The following HINT3 variants were observed in gnomAD, a reference collection of about 807,000 sequenced individuals.
HINT3 encodes the protein histidine triad nucleotide binding protein 3, also known as adenosine 5'-monophosphoramidase HINT3.
A neutral mutation model predicts 19.1 loss-of-function variants in HINT3; 16 were observed. The ratio of observed to expected loss-of-function variants is 0.84; its 90% CI spans 0.57 to 1.27. The LOEUF (loss-of-function observed/expected upper bound fraction) is 1.27, where lower values mean the gene tolerates loss of function less well. Among genes scored for constraint, HINT3 ranks in the 50% most tolerant of loss-of-function variants. HINT3 has a pLI of 0.00. For missense variants in HINT3, 197 were observed against 225.8 expected, an observed-to-expected ratio of 0.87 and a Z score of 0.82; for synonymous variants, 75 against 84.8, an observed-to-expected ratio of 0.88 and a Z score of 0.63.
chr6:125,976,567 T>A (rs7755742), intron 4 of HINT3, among the ~76,000 whole-genome samples: 2,347 of 151,110 alleles, frequency 0.016, 49 homozygotes, highest in African/African-American at 0.055. Flanking sequence ...GCTTTTTTTT[T>A]ATATTTGTAT....
At position 125,962,453 on chromosome 6, in the gene HINT3, A is replaced by G. The variant is rs146653520; in HGVS notation, c.202-4434A>G. 5.9e-3 allele frequency among the ~76,000 whole-genome samples: 892 copies of G among 151,694 alleles called. 5 individuals carry two copies. The highest frequency in any genetic ancestry group is 8.0e-3 in the Non-Finnish European group (546 of 67,910). On this transcript the variant is annotated intron_variant, in intron 1 of 4. Coordinates refer to ENST00000229633, the MANE Select transcript of HINT3 (RefSeq NM_138571.5). Reference sequence around the variant, plus strand: ...TGACTTGATGTACAAGAGCTCACTCATTAAAGGGTAAAGATTAATCTTTTT... The same window carrying G: ...TGACTTGATGTACAAGAGCTCACTCGTTAAAGGGTAAAGATTAATCTTTTT...
chr6:125,974,815 T>C (rs745639091), intron 3 of HINT3, 32 bp from the exon 4 acceptor site: 2 of 1,596,686 alleles, frequency 1.3e-6, no homozygotes, highest in African/African-American at 1.3e-5. Context: ...TTAGAACTGG[T>C]TTGTCAATCA....
At chr6:125,973,065 CTTT>C (rs869084942) in intron 3 of HINT3, among the ~76,000 whole-genome samples, 29 of 74,476 alleles carry the variant, frequency 3.9e-4, no homozygotes, top group African/African-American at 1.1e-3. Context: ...AATTTTTCAA[CTTT>C]TTTTTTTTTT....
intron 2 of HINT3, among the ~76,000 whole-genome samples, chr6:125,971,801 C>T (rs548990559): frequency 2.7e-5 from 4 of 147,678 alleles, no homozygotes; most frequent in African/African-American, 5.0e-5. Flanking sequence ...TCTCTGCCTC[C>T]CAGGTTCAAG....
At chr6:125,966,827 G>T (rs1789024097) in intron 1 of HINT3, 60 bp from the exon 2 acceptor site, 6 of 1,099,746 alleles carry the variant, frequency 5.5e-6, no homozygotes, top group Non-Finnish European at 8.2e-6. Context: ...TTTAAGTCAT[G>T]CCAGAACAGC....
intron 1 of HINT3, among the ~76,000 whole-genome samples, chr6:125,961,392 A>G (rs1047759998): frequency 2.6e-5 from 4 of 152,066 alleles, no homozygotes; most frequent in Non-Finnish European, 5.9e-5. Flanking sequence ...TATACTATCT[A>G]CCTGATGATA....
At chr6:125,972,602 A>AT (rs1386253758) in intron 3 of HINT3, among the ~76,000 whole-genome samples, 3 of 152,106 alleles carry the variant, frequency 2.0e-5, no homozygotes, top group Admixed American at 1.3e-4. Context: ...TTAAAAAAAA[A>AT]TTTTTGAGAT....
chr6:125,964,578 G>T (rs1562212960), intron 1 of HINT3, among the ~76,000 whole-genome samples: 1 of 151,996 alleles, frequency 6.6e-6, no homozygotes, highest in Non-Finnish European at 1.5e-5. Context: ...AATTTCGTAT[G>T]TATATGAAGA....
At chr6:125,974,789 G>GA (rs1215049691) in intron 3 of HINT3, 58 bp from the exon 4 acceptor site, 3 of 1,569,436 alleles carry the variant, frequency 1.9e-6, no homozygotes, top group Non-Finnish European at 2.6e-6. Context: ...GTTTTCACCT[G>GA]AAAAATGACT....
At chr6:125,957,240 G>T in intron 1 of HINT3, 62 bp downstream of exon 1, 1 of 1,466,744 alleles carries the variant, frequency 6.8e-7, no homozygotes, top group South Asian at 1.3e-5. Context: ...AGCTCCGGCA[G>T]GGAGGCCTCG....
intron 1 of HINT3, among the ~76,000 whole-genome samples, chr6:125,961,965 A>G (rs1456550772): frequency 1.3e-5 from 2 of 151,562 alleles, no homozygotes; most frequent in South Asian, 2.1e-4. Flanking sequence ...ACAATCAGAA[A>G]GGTCAGGGAA....
intron 2 of HINT3, among the ~76,000 whole-genome samples, chr6:125,970,248 G>C (rs918563037): frequency 2.0e-5 from 3 of 152,082 alleles, no homozygotes; most frequent in Admixed American, 6.5e-5. Context: ...GTACATTTGA[G>C]AACATATATG....
rs79938207 is a variant in HINT3 at position 125,965,427 on chromosome 6, T to G, written c.202-1460T>G. Among the ~76,000 whole-genome samples, 155 of 152,260 alleles carry G rather than the reference T, an allele frequency of 1.0e-3. 1 individual carries two copies. The East Asian group carries it at 0.028, about 28-fold the overall frequency. ...TTATGAATCAATCTGGGAAGTAGGA[T>G]TGTGGCAATTTTCTTGTACTAGATT... On this transcript the variant is annotated intron_variant, in intron 1 of 4. Coordinates refer to ENST00000229633, the MANE Select transcript of HINT3 (RefSeq NM_138571.5).
At chr6:125,966,246 A>G (rs534831480) in intron 1 of HINT3, among the ~76,000 whole-genome samples, 230 of 152,300 alleles carry the variant, frequency 1.5e-3, no homozygotes, top group African/African-American at 5.2e-3. Context: ...TCTGTAGATT[A>G]CTGTGTGGGG....
intron 1 of HINT3, among the ~76,000 whole-genome samples, chr6:125,961,194 G>A (rs562253035): frequency 1.3e-5 from 2 of 152,242 alleles, no homozygotes; most frequent in East Asian, 1.9e-4. Flanking sequence ...TTAGGGAAAC[G>A]GGGAATATAT....
At chr6:125,977,188 C>G (rs1236947153) in intron 4 of HINT3, among the ~76,000 whole-genome samples, 1 of 152,174 alleles carries the variant, frequency 6.6e-6, no homozygotes, top group Non-Finnish European at 1.5e-5. Context: ...TTTCACTGCT[C>G]TAAAAATCCT....
chr6:125,960,668 AAAAAAAG>A (rs1562211524), intron 1 of HINT3, among the ~76,000 whole-genome samples: 1 of 42,310 alleles, frequency 2.4e-5, no homozygotes, highest in Admixed American at 3.8e-4. Context: ...GGGGGGGGAA[AAAAAAAG>A]AAGTTAGGGC....
rs397694163 is a variant in HINT3, at chr6:125,975,584, G to GTTTTTTT, written c.516+619_516+625dup. On this transcript the variant is annotated intron_variant, in intron 4 of 4. Coordinates refer to ENST00000229633, the MANE Select transcript of HINT3 (RefSeq NM_138571.5). ...CTATCAGATCTGTGGCTGAAGAGTT[G>GTTTTTTT]TTTTTTTTTTTTTTGAGACAGTCTC... is the stretch of plus-strand genomic sequence containing the variant. 9.4e-3 allele frequency among the ~76,000 whole-genome samples: 1,357 copies of GTTTTTTT among 145,126 alleles called. 36 individuals are homozygous for GTTTTTTT. The highest frequency in any genetic ancestry group is 0.03 in the African/African-American group (1,172 of 39,104).
At chr6:125,962,148 CCATATATATATACA>C (rs1788934376) in intron 1 of HINT3, among the ~76,000 whole-genome samples, 3 of 48,442 alleles carry the variant, frequency 6.2e-5, no homozygotes, top group South Asian at 2.0e-3. Context: ...GGATGGAAAC[CCATATATATATACA>C]CATATATATA....
Sources: allele counts gnomAD v4.1 joint callset (sites outside exome capture counted in the v4.1 genomes callset), GRCh38; gene constraint gnomAD v4.1.1; transcripts MANE v1.5; gene names NCBI Gene and HGNC (gene_info 2026-07-23, HGNC 2026-07-21).